Variants in GALNT2 observed in about 807,000 individuals in gnomAD.
GALNT2 encodes polypeptide N-acetylgalactosaminyltransferase 2.
GALNT2 carries 31 observed loss-of-function variants against 81.4 expected under a neutral mutation model. The observed-to-expected ratio is 0.38, with a 90% CI of 0.29 to 0.51. The LOEUF is 0.51. GALNT2 is among the 20% of genes least tolerant of loss of function. The pLI, the probability that GALNT2 is intolerant of heterozygous loss-of-function variation, is 0.87. For missense variants in GALNT2, 629 were observed against 765.7 expected, an observed-to-expected ratio of 0.82 and a Z score of 2.11; for synonymous variants, 303 against 287.4, an observed-to-expected ratio of 1.05 and a Z score of -0.55.
intron 15 of GALNT2, among the ~76,000 whole-genome samples, chr1:230,277,609 A>G (rs1248210447): frequency 1.3e-5 from 2 of 152,230 alleles, no homozygotes; most frequent in Non-Finnish European, 2.9e-5. Flanking sequence ...CTCTGATTGC[A>G]CTGTCTTTCC....
At chr1:230,245,966 T>C in intron 7 of GALNT2, 97 bp from the exon 8 acceptor site, 1 of 1,007,244 alleles carries the variant, frequency 9.9e-7, no homozygotes, top group African/African-American at 1.6e-5. Context: ...GCCAGTTGGG[T>C]TTGCCCTGTG....
At chr1:230,239,887 T>G (rs995305670) in intron 6 of GALNT2, among the ~76,000 whole-genome samples, 3 of 152,232 alleles carry the variant, frequency 2.0e-5, no homozygotes, top group Non-Finnish European at 4.4e-5. Flanking sequence ...CTTACAACAG[T>G]CTGCTTAAGA....
intron 6 of GALNT2, among the ~76,000 whole-genome samples, chr1:230,237,856 A>G (rs569705368): frequency 9.2e-5 from 14 of 152,220 alleles, no homozygotes; most frequent in South Asian, 2.1e-4. Context: ...AAAAAAAAAA[A>G]AGAGAAGTGG....
At chr1:230,194,694 C>CT (rs1663633340) in intron 2 of GALNT2, among the ~76,000 whole-genome samples, 1 of 152,218 alleles carries the variant, frequency 6.6e-6, no homozygotes, top group Admixed American at 6.5e-5. Flanking sequence ...GAGGGACACT[C>CT]TCCCCACAGT....
intron 6 of GALNT2, among the ~76,000 whole-genome samples, chr1:230,241,951 T>G (rs1490929338): frequency 2.0e-5 from 3 of 152,238 alleles, no homozygotes; most frequent in Non-Finnish European, 2.9e-5. Context: ...GCTTTTCATG[T>G]TGGACTTGGT....
intron 3 of GALNT2, among the ~76,000 whole-genome samples, chr1:230,204,505 C>T (rs777958694): frequency 3.3e-5 from 5 of 152,128 alleles, no homozygotes; most frequent in Non-Finnish European, 7.4e-5. Flanking sequence ...GTGGAGGGTA[C>T]TTTGGGGTCT....
chr1:230,181,850 A>C (rs528133020), intron 2 of GALNT2, among the ~76,000 whole-genome samples: 1 of 152,364 alleles, frequency 6.6e-6, no homozygotes, highest in South Asian at 2.1e-4. Flanking sequence ...AGAATTCATC[A>C]GTGAACACAC....
intron 1 of GALNT2, among the ~76,000 whole-genome samples, chr1:230,162,278 G>T (rs1167911250): frequency 6.6e-6 from 1 of 152,136 alleles, no homozygotes; most frequent in Non-Finnish European, 1.5e-5. Context: ...TGAAGCTCCT[G>T]TATCTGATCA....
rs369773291 is a variant in GALNT2, at chr1:230,255,882, C to T, written c.1136+538C>T. Among the ~76,000 whole-genome samples, 9 of 152,304 alleles carry T rather than the reference C, an allele frequency of 5.9e-5. No individual in the cohort carries two copies. In the South Asian group the frequency reaches 1.9e-3, roughly 32 times the overall value. On this transcript the variant is annotated intron_variant, in intron 11 of 15. Coordinates refer to ENST00000366672, the MANE Select transcript of GALNT2 (RefSeq NM_004481.5). Reference sequence around the variant, plus strand: ...CAACATTGTCTTAGTCCATTTTATGCGTCTCTAACCAAATACCACAGACTG... The same window carrying T: ...CAACATTGTCTTAGTCCATTTTATGTGTCTCTAACCAAATACCACAGACTG...
At chr1:230,128,831 G>T (rs1469616200) in intron 1 of GALNT2, among the ~76,000 whole-genome samples, 2 of 152,168 alleles carry the variant, frequency 1.3e-5, no homozygotes, top group African/African-American at 4.8e-5. Flanking sequence ...TATATGTGGG[G>T]TGCCCCGAGC....
intron 1 of GALNT2, among the ~76,000 whole-genome samples, chr1:230,148,890 C>A (rs1662006849): frequency 6.6e-6 from 1 of 151,186 alleles, no homozygotes; most frequent in Admixed American, 6.6e-5. Flanking sequence ...CCCAGCCCCA[C>A]TCCTCCCCAC....
chr1:230,068,649 A>T (rs1018914950), intron 1 of GALNT2, among the ~76,000 whole-genome samples: 1 of 152,154 alleles, frequency 6.6e-6, no homozygotes. Context: ...GCTGCTTCAG[A>T]GGTTTTTTCT....
chr1:230,244,248 T>C (rs1237947615), intron 7 of GALNT2, among the ~76,000 whole-genome samples: 4 of 152,026 alleles, frequency 2.6e-5, no homozygotes, highest in Non-Finnish European at 5.9e-5. Context: ...CATTACCCTT[T>C]ATCAAGTTGG....
At chr1:230,167,843 G>A (rs1662661010) in intron 1 of GALNT2, among the ~76,000 whole-genome samples, 1 of 152,168 alleles carries the variant, frequency 6.6e-6, no homozygotes, top group South Asian at 2.1e-4. Flanking sequence ...AGTGCTGCCT[G>A]AGGGCTTCAC....
chr1:230,120,870 A>G (rs1255402277), intron 1 of GALNT2, among the ~76,000 whole-genome samples: 2 of 152,218 alleles, frequency 1.3e-5, no homozygotes. Context: ...CCCCTTGGAT[A>G]AAATAAAATT....
intron 1 of GALNT2, among the ~76,000 whole-genome samples, chr1:230,133,184 T>A (rs1040957508): frequency 3.9e-5 from 6 of 152,244 alleles, no homozygotes; most frequent in Non-Finnish European, 7.3e-5. Context: ...TAACTTATGA[T>A]GAACCTTTTT....
In GALNT2 at chr1:230,257,880, G is replaced by GGTGGGT. The variant is rs1665762929; in HGVS notation, c.1136+2548_1136+2553dup. Among the ~76,000 whole-genome samples, 1 of 152,196 alleles carries GGTGGGT rather than the reference G, an allele frequency of 6.6e-6. No homozygotes were observed. The highest frequency in any genetic ancestry group is 1.5e-5 in the Non-Finnish European group (1 of 68,034). ...CCTACAGAAATAGGGAAAGCCTTGG[G>GGTGGGT]GTGGGTGTGGGTGTGGGGATTGCTA... On this transcript the variant is annotated intron_variant, in intron 11 of 15. Coordinates refer to ENST00000366672, the MANE Select transcript of GALNT2 (RefSeq NM_004481.5). This position sits in a 1 kb window ranked among gnomAD's most constrained non-coding sequence, Gnocchi z 4.6.
chr1:230,128,283 G>A (rs1661256662), intron 1 of GALNT2, among the ~76,000 whole-genome samples: 1 of 152,122 alleles, frequency 6.6e-6, no homozygotes, highest in African/African-American at 2.4e-5. Flanking sequence ...GTGTGGTTAT[G>A]AAGGAAAACA....
chr1:230,068,299 G>C (rs1026274815), intron 1 of GALNT2, among the ~76,000 whole-genome samples: 1 of 152,232 alleles, frequency 6.6e-6, no homozygotes, highest in Admixed American at 6.5e-5. Flanking sequence ...GATGGTGAGC[G>C]CCGAGAGGAG....
Sources: allele counts gnomAD v4.1 joint callset (sites outside exome capture counted in the v4.1 genomes callset), GRCh38; gene constraint gnomAD v4.1.1; non-coding constraint Gnocchi (gnomAD v3.1); transcripts MANE v1.5; gene names NCBI Gene and HGNC (gene_info 2026-07-23, HGNC 2026-07-21).